Variants in CACNA1E observed in about 807,000 individuals in gnomAD.
The protein encoded by CACNA1E is calcium voltage-gated channel subunit alpha1 E, also known as voltage-dependent R-type calcium channel subunit alpha-1E.
A neutral mutation model predicts 259.2 loss-of-function variants in CACNA1E; 40 were observed. The ratio of observed to expected loss-of-function variants is 0.15; its 90% CI spans 0.12 to 0.20. The LOEUF is 0.20. Among genes scored for constraint, CACNA1E ranks in the 10% least tolerant of loss-of-function variants. CACNA1E has a pLI of 1.00. For synonymous variants in CACNA1E, 1,104 were observed against 1,138.5 expected (o/e 0.97, Z 0.61); for missense variants, 1,874 against 3,040.1 (o/e 0.62, Z 9.02).
rs745835051 is a variant in CACNA1E, at chr1:181,804,624, C to T, written c.*5790C>T. On this transcript the variant is annotated 3_prime_UTR_variant, in exon 48 of 48. Coordinates refer to ENST00000367573, the MANE Select transcript of CACNA1E (RefSeq NM_001205293.3). ...TCTGTATTCAAACTTGTGCCTTCAGCAAGCATCTCTTCACTTTCTTTCCCT... is the reference window on the plus strand; with the variant it reads ...TCTGTATTCAAACTTGTGCCTTCAGTAAGCATCTCTTCACTTTCTTTCCCT... The T allele has an allele frequency of 6.6e-6, 1 of 152,124 alleles. No homozygotes were observed. Among genetic ancestry groups the T allele is most frequent in the Non-Finnish European group, 1.5e-5 (1 of 68,014 alleles). 9.4% of individuals were successfully genotyped at this position (152,124 alleles called of 1,614,324 possible). A position where few individuals can be genotyped will look rare whatever the true frequency, so the allele number is the denominator to read the frequency against.
chr1:181,718,655 CACACACACACA>C (rs1558302807), intron 12 of CACNA1E, among the ~76,000 whole-genome samples: 5 of 150,952 alleles, frequency 3.3e-5, no homozygotes, highest in African/African-American at 7.4e-5. Flanking sequence ...CACACACACA[CACACACACACA>C]CCCTTATATT....
In CACNA1E at chr1:181,421,631, G is replaced by A. The variant is rs552221799; in HGVS notation, c.434+8051G>A. The stretch of plus-strand genomic sequence containing the variant: ...TGGCCCCTCATTTTTCCTTATCTCA[G>A]TAAATGGCACCACTATTTCTCCAGT... On this transcript the variant is annotated intron_variant, in intron 2 of 11. Transcript: ENST00000524607. 3.9e-5 allele frequency among the ~76,000 whole-genome samples: 6 copies of A among 152,202 alleles called. No individual in the cohort carries two copies. The East Asian group carries it at 9.6e-4, about 24-fold the overall frequency.
intron 3 of CACNA1E, among the ~76,000 whole-genome samples, chr1:181,536,000 C>T (rs1313420152): frequency 6.6e-6 from 1 of 152,146 alleles, no homozygotes; most frequent in African/African-American, 2.4e-5. Flanking sequence ...ATGATTATTT[C>T]TTTACAGATA....
chr1:181,403,395 G>T (rs1657240938), intron 1 of CACNA1E, among the ~76,000 whole-genome samples: 1 of 151,608 alleles, frequency 6.6e-6, no homozygotes, highest in African/African-American at 2.4e-5. Flanking sequence ...ATTGCAGAAA[G>T]GCCTTTTACA....
intron 39 of CACNA1E, among the ~76,000 whole-genome samples, chr1:181,782,201 G>A (rs759079552): frequency 3.3e-5 from 5 of 152,202 alleles, no homozygotes; most frequent in Non-Finnish European, 7.3e-5. Context: ...GGAAATAATG[G>A]GCACAAGTTG....
In CACNA1E at chr1:181,776,373, G is replaced by A. The variant is rs1449629504; in HGVS notation, c.5267+145G>A. The A allele has an allele frequency of 1.3e-6, 1 of 781,724 alleles. No individual in the cohort carries two copies. Among genetic ancestry groups the A allele is most frequent in the Non-Finnish European group, 2.1e-6 (1 of 474,320 alleles). The allele number at this position is 781,724 out of a possible 1,614,324, so 48.4% of individuals were successfully genotyped here. A position where few individuals can be genotyped will look rare whatever the true frequency, so the allele number is the denominator to read the frequency against. On this transcript the variant is annotated intron_variant, in intron 38 of 47. Coordinates refer to ENST00000367573, the MANE Select transcript of CACNA1E (RefSeq NM_001205293.3). This position sits in a 1 kb window ranked among gnomAD's most constrained non-coding sequence, Gnocchi z 4.4. Reference sequence around the variant, plus strand: ...CCTCTTGATTGTGGCCCATAGAAGAGGCTCTGGTATCAAGCCAGTCACCAA... The same window carrying A: ...CCTCTTGATTGTGGCCCATAGAAGAAGCTCTGGTATCAAGCCAGTCACCAA...
chr1:181,460,215 T>C (rs1385227870), intron 2 of CACNA1E, among the ~76,000 whole-genome samples: 2 of 152,184 alleles, frequency 1.3e-5, no homozygotes, highest in African/African-American at 2.4e-5. Context: ...GAGAATGATA[T>C]GGTCTGTTAG....
At chr1:181,427,950 C>T (rs941742533) in intron 2 of CACNA1E, among the ~76,000 whole-genome samples, 2 of 152,174 alleles carry the variant, frequency 1.3e-5, no homozygotes, top group African/African-American at 2.4e-5. Context: ...ATCTCTTTCA[C>T]GCTGCAGAGT....
At chr1:181,633,853 A>T (rs1343837428) in intron 6 of CACNA1E, among the ~76,000 whole-genome samples, 1 of 152,204 alleles carries the variant, frequency 6.6e-6, no homozygotes, top group Non-Finnish European at 1.5e-5. Flanking sequence ...TATCATTCCC[A>T]TTGTACAAAT....
intron 7 of CACNA1E, among the ~76,000 whole-genome samples, chr1:181,704,793 A>C (rs1285367178): frequency 5.9e-5 from 9 of 152,174 alleles, no homozygotes; most frequent in Admixed American, 5.9e-4. Context: ...AGCTCCCTGC[A>C]TGGAGCCGGG....
intron 7 of CACNA1E, among the ~76,000 whole-genome samples, chr1:181,697,233 G>A (rs1215574860): frequency 6.6e-6 from 1 of 152,264 alleles, no homozygotes; most frequent in Non-Finnish European, 1.5e-5. Context: ...TGTTGCTGAT[G>A]TAATCCTAAG....
At chr1:181,449,906 CA>C (rs1357116550) in intron 2 of CACNA1E, among the ~76,000 whole-genome samples, 5 of 151,834 alleles carry the variant, frequency 3.3e-5, no homozygotes, top group Non-Finnish European at 7.4e-5. Context: ...TATAGGGGCA[CA>C]GGGGCACATA....
At chr1:181,449,916 TAGG>T (rs1215011644) in intron 2 of CACNA1E, among the ~76,000 whole-genome samples, 1 of 151,306 alleles carries the variant, frequency 6.6e-6, no homozygotes, top group Non-Finnish European at 1.5e-5. Flanking sequence ...CAGGGGCACA[TAGG>T]AGGGTGCCTA....
At chr1:181,442,927 G>A (rs775406371) in intron 2 of CACNA1E, among the ~76,000 whole-genome samples, 29 of 152,176 alleles carry the variant, frequency 1.9e-4, no homozygotes, top group Non-Finnish European at 4.1e-4. Flanking sequence ...CAGCCTTGCT[G>A]TCAGGAGCGC....
chr1:181,685,214 C>T (rs1247353423), intron 7 of CACNA1E, among the ~76,000 whole-genome samples: 1 of 130,196 alleles, frequency 7.7e-6, no homozygotes, highest in Non-Finnish European at 1.6e-5. Context: ...CTAGGTAGCA[C>T]ATAGCCCACC....
intron 6 of CACNA1E, among the ~76,000 whole-genome samples, chr1:181,586,790 C>T (rs1652112785): frequency 6.6e-6 from 1 of 152,166 alleles, no homozygotes; most frequent in Non-Finnish European, 1.5e-5. Flanking sequence ...GAATCAAATG[C>T]TTCAGATGGG....
At chr1:181,389,413 C>T (rs1279798986) in intron 1 of CACNA1E, among the ~76,000 whole-genome samples, 1 of 152,108 alleles carries the variant, frequency 6.6e-6, no homozygotes, top group African/African-American at 2.4e-5. Flanking sequence ...AATTTTTTCA[C>T]ACCCTGCATA....
At chr1:181,519,346 G>A (rs573674019) in intron 3 of CACNA1E, among the ~76,000 whole-genome samples, 12 of 152,266 alleles carry the variant, frequency 7.9e-5, no homozygotes, top group African/African-American at 2.6e-4. Context: ...TGAAAATGCA[G>A]CAGCACTATT....
At chr1:181,580,396 T>G (rs1651406472) in intron 5 of CACNA1E, among the ~76,000 whole-genome samples, 199 bp from the exon 6 acceptor site, 1 of 152,128 alleles carries the variant, frequency 6.6e-6, no homozygotes, top group Non-Finnish European at 1.5e-5. Flanking sequence ...TTCAGGAGAC[T>G]GGGAAACATT....
Sources: gnomAD v4.1 joint callset for allele counts (sites outside exome capture counted in the v4.1 genomes callset) on GRCh38, gnomAD v4.1.1 for gene constraint, Gnocchi (gnomAD v3.1) non-coding constraint, MANE v1.5 for transcripts, NCBI Gene and HGNC (gene_info 2026-07-23, HGNC 2026-07-21) for gene names.